Variants in SYNE1 observed in about 807,000 individuals in gnomAD.
The protein encoded by SYNE1 is spectrin repeat containing nuclear envelope protein 1, also known as nesprin-1.
Under a neutral mutation model 1,111.0 loss-of-function variants are expected in SYNE1, and 616 were observed. That is an observed-to-expected ratio of 0.55 (90% CI 0.52 to 0.59). The LOEUF is 0.59. SYNE1 is among the 20% of genes least tolerant of loss of function. The pLI is 0.00. For missense variants in SYNE1, 10,006 were observed against 10,417.0 expected, an observed-to-expected ratio of 0.96 and a Z score of 1.72; for synonymous variants, 3,855 against 3,825.8, an observed-to-expected ratio of 1.01 and a Z score of -0.28.
At chr6:152,421,661 A>G (rs1429903915) in intron 39 of SYNE1, among the ~76,000 whole-genome samples, 2 of 149,384 alleles carry the variant, frequency 1.3e-5, no homozygotes, top group Admixed American at 1.3e-4. Flanking sequence ...TCTTCCTTCC[A>G]TTTTCCTTAT....
rs926985664 is a variant in SYNE1 at position 152,289,829 on chromosome 6, T to C, written c.18012+3759A>G. 8.6e-5 allele frequency among the ~76,000 whole-genome samples: 13 copies of C among 151,992 alleles called. No homozygotes were observed. In the East Asian group the frequency reaches 2.1e-3, roughly 25 times the overall value. Reference sequence around the variant, plus strand: ...TTTTAGTAGAGACGGGGTTTCACCATGTTAGCCAGGATGGTCGCGATCTCC... The same window carrying C: ...TTTTAGTAGAGACGGGGTTTCACCACGTTAGCCAGGATGGTCGCGATCTCC... On this transcript the variant is annotated intron_variant, in intron 95 of 145. Transcript: ENST00000367255.
intron 104 of SYNE1, among the ~76,000 whole-genome samples, chr6:152,251,269 A>G (rs1432410249): frequency 4.6e-5 from 7 of 151,920 alleles, no homozygotes; most frequent in African/African-American, 1.7e-4. Flanking sequence ...TGCTTTTAAT[A>G]GCATATTTTC....
At chr6:152,541,253 A>G (rs1187210596) in intron 3 of SYNE1, among the ~76,000 whole-genome samples, 1 of 152,198 alleles carries the variant, frequency 6.6e-6, no homozygotes, top group African/African-American at 2.4e-5. Context: ...CTTCTCATCC[A>G]TAAGCATGGG....
chr6:152,262,052 C>T lies in SYNE1; in HGVS notation c.18952G>A (p.Glu6318Lys), dbSNP rs758182381. The T allele has an allele frequency of 2.4e-5, 38 of 1,613,256 alleles. No homozygotes were observed. Among genetic ancestry groups the T allele is most frequent in the Non-Finnish European group, 3.0e-5 (35 of 1,179,832 alleles). ...GATACCACTTGCTCTTGTTCCTGTT[C>T]CAGAACATTCTGTAGTAGTTTCTGC... ...TKQKLLQNVL[E>K]QEQEQVLYSR... Residue 6318 changes from glutamate to lysine, a missense_variant, in exon 101 of 146, where the codon GAA (glutamate) becomes AAA (lysine). Around this residue, in one of 7 missense-constraint regions of SYNE1, gnomAD observed 2,182 missense variants for 2,287.8 expected, o/e 0.95. Transcript: ENST00000367255.
chr6:152,300,691 C>A lies in SYNE1; in HGVS notation c.17632G>T (p.Ala5878Ser), dbSNP rs1325222849. 1 of 1,614,078 alleles carries A rather than the reference C, an allele frequency of 6.2e-7. No homozygotes were observed. Among genetic ancestry groups the A allele is most frequent in the African/African-American group, 1.3e-5 (1 of 74,932 alleles). The change falls in exon 93 of 146, where the codon GCC (alanine) becomes TCC (serine). Residue 5878 changes from alanine to serine, a missense_variant. Ala to Ser is a moderately conservative substitution (Grantham distance 99, BLOSUM62 1). Around this residue, in one of 7 missense-constraint regions of SYNE1, gnomAD observed 4,955 missense variants for 5,017.2 expected, o/e 0.99. Transcript: ENST00000367255. ...GTNSEISSPP[A>S]CRSPSPVANT... The stretch of plus-strand genomic sequence containing the variant: ...GCCACAGGTGAAGGGGAGCGACAGG[C>A]AGGTGGAGAGGAAATCTCACTGTTG...
rs1186889573 is a variant in SYNE1 at position 152,458,822 on chromosome 6, T to C, written c.2503A>G (p.Asn835Asp). 2 of 1,613,996 alleles carry C rather than the reference T, an allele frequency of 1.2e-6. No homozygotes were observed. The highest frequency in any genetic ancestry group is 2.7e-5 in the African/African-American group (2 of 74,918). The part of the protein sequence containing the change: ...TSFYDSLGKI[N>D]EIITVLEREA... ...CGCTCAAGAACTGTGATAATTTCATTGATTTTCCCAAGTGAGTCATAAAAG... is the reference window on the plus strand; with the variant it reads ...CGCTCAAGAACTGTGATAATTTCATCGATTTTCCCAAGTGAGTCATAAAAG... The change falls in exon 22 of 146, where the codon AAT becomes GAT. Residue 835 changes from asparagine to aspartate, a missense_variant. Physicochemically the swap from Asn to Asp is conservative, Grantham distance 23 (BLOSUM62 1). This residue lies in a region of SYNE1 where 1,971 missense variants were observed against 2,084.1 expected (regional missense o/e 0.95). Transcript: ENST00000367255.
chr6:152,597,555 G>A (rs752644053), intron 3 of SYNE1, among the ~76,000 whole-genome samples: 15 of 152,118 alleles, frequency 9.9e-5, no homozygotes, highest in Non-Finnish European at 1.9e-4. Flanking sequence ...CTATAGTTTG[G>A]CAAGTACAAG....
intron 3 of SYNE1, among the ~76,000 whole-genome samples, chr6:152,589,672 G>T (rs1422684386): frequency 2.6e-5 from 4 of 151,966 alleles, no homozygotes; most frequent in African/African-American, 9.7e-5. Context: ...CAGCCCTAAG[G>T]GACTCCCCTT....
chr6:152,526,214 T>G, intron 4 of SYNE1, 39 bp from the exon 5 acceptor site: 327 of 1,572,068 alleles, frequency 2.1e-4, no homozygotes, highest in Non-Finnish European at 2.7e-4. Flanking sequence ...AAAATATCTC[T>G]TCCCTCTCTG....
chr6:152,294,094 T>A lies in SYNE1; in HGVS notation c.17716A>T (p.Arg5906Trp). The A allele has an allele frequency of 6.2e-7, 1 of 1,613,820 alleles. No homozygotes were observed. The highest frequency in any genetic ancestry group is 8.5e-7 in the Non-Finnish European group (1 of 1,179,996). ...IAYYQALSAERLQTDAAKIHP... is the reference protein window; with the variant it reads ...IAYYQALSAEWLQTDAAKIHP... ...ATTTTTGCAGCATCTGTCTGCAACC[T>A]CTCAGCAGACAAGGCTTGGTAATAT... Residue 5906 changes from arginine (R) to tryptophan (W), a missense_variant, in exon 94 of 146, where the codon AGG (arginine) becomes TGG (tryptophan). By Grantham distance (101) the Arg-to-Trp change is moderately radical. Around this residue, in one of 7 missense-constraint regions of SYNE1, gnomAD observed 4,955 missense variants for 5,017.2 expected, o/e 0.99. Coordinates refer to ENST00000367255, the MANE Select transcript of SYNE1 (RefSeq NM_182961.4).
At chr6:152,192,662 C>T (rs1204463794) in intron 127 of SYNE1, among the ~76,000 whole-genome samples, 1 of 151,766 alleles carries the variant, frequency 6.6e-6, no homozygotes, top group African/African-American at 2.4e-5. Flanking sequence ...TTAGTAGGGA[C>T]TGGGTTTTGC....
chr6:152,334,526 G>A (rs535616897), intron 76 of SYNE1, among the ~76,000 whole-genome samples: 7 of 152,144 alleles, frequency 4.6e-5, no homozygotes, highest in African/African-American at 1.7e-4. Flanking sequence ...ATTCCAAGAG[G>A]CATAAAGAAA....
chr6:152,167,884 T>G (rs912001633), intron 130 of SYNE1: 9 of 731,164 alleles, frequency 1.2e-5, no homozygotes, highest in Non-Finnish European at 2.3e-5. Flanking sequence ...AGAGTCATAA[T>G]AAAGTCCATT....
intron 43 of SYNE1, 127 bp downstream of exon 43, chr6:152,409,432 T>A: frequency 7.5e-7 from 1 of 1,338,704 alleles, no homozygotes; most frequent in Non-Finnish European, 1.0e-6. Context: ...GGAAAAAAAG[T>A]TGAGCTCATT....
At chr6:152,133,134 A>C (rs2056254152) in intron 143 of SYNE1, 142 bp downstream of exon 143, 5 of 786,578 alleles carry the variant, frequency 6.4e-6, no homozygotes, top group Non-Finnish European at 8.5e-6. Context: ...ATTTTGAGAC[A>C]GGACTTGTAA....
chr6:152,387,033 T>A (rs1321585119), intron 54 of SYNE1, 39 bp downstream of exon 54: 13 of 1,525,734 alleles, frequency 8.5e-6, no homozygotes, highest in Non-Finnish European at 1.2e-5. Context: ...ATTGTATTAA[T>A]GTATTATAAA....
intron 129 of SYNE1, among the ~76,000 whole-genome samples, chr6:152,177,860 A>G (rs1276130543): frequency 1.3e-5 from 2 of 152,208 alleles, no homozygotes; most frequent in Non-Finnish European, 2.9e-5. Flanking sequence ...GAGTGTTAAT[A>G]CCAACAGACA....
intron 140 of SYNE1, among the ~76,000 whole-genome samples, chr6:152,137,108 C>G (rs142587372): frequency 3.8e-4 from 58 of 152,200 alleles, no homozygotes; most frequent in African/African-American, 1.4e-3. Flanking sequence ...TTCACACACA[C>G]AAATCCACAT....
At chr6:152,367,141 C>G in intron 62 of SYNE1, 77 bp downstream of exon 62, 1 of 1,553,858 alleles carries the variant, frequency 6.4e-7, no homozygotes, top group Non-Finnish European at 8.9e-7. Context: ...CATCATCACC[C>G]CAGGTGGATG....
Sources: gnomAD v4.1 joint callset for allele counts (sites outside exome capture counted in the v4.1 genomes callset) on GRCh38, gnomAD v4.1.1 for gene constraint, gnomAD v4.1.1 regional missense constraint, MANE v1.5 for transcripts, NCBI Gene and HGNC (gene_info 2026-07-23, HGNC 2026-07-21) for gene names.